Variants in PRIM2 observed in about 807,000 individuals in gnomAD.
PRIM2 encodes the protein DNA primase subunit 2.
Under a neutral mutation model 67.3 loss-of-function variants are expected in PRIM2, and 39 were observed. That is an observed-to-expected ratio of 0.58 (90% CI 0.45 to 0.76). The LOEUF is 0.76. PRIM2 is among the 30% of genes least tolerant of loss of function. PRIM2 has a pLI of 0.00. For synonymous variants in PRIM2, 143 were observed against 198.7 expected (o/e 0.72, Z 2.36); for missense variants, 398 against 598.7 (o/e 0.66, Z 3.50).
chr6:57,511,015 G>C (rs1554347670), intron 8 of PRIM2, among the ~76,000 whole-genome samples: 1 of 150,064 alleles, frequency 6.7e-6, no homozygotes, highest in African/African-American at 2.4e-5. Flanking sequence ...CCTCTAATGA[G>C]GAAAGAGGAA....
intron 5 of PRIM2, among the ~76,000 whole-genome samples, chr6:57,375,200 G>A (rs1261166602): frequency 2.6e-5 from 4 of 152,148 alleles, no homozygotes; most frequent in Admixed American, 2.6e-4. Flanking sequence ...ATTGGCTGTG[G>A]GTTTGTCATA....
rs558641690 is a variant in PRIM2 at position 57,371,182 on chromosome 6, T to C, written c.460-8719T>C. On this transcript the variant is annotated intron_variant, in intron 5 of 13. Transcript: ENST00000615550. ...GTATATTTCCAAGGCAGAAGACTAT[T>C]TGGAGAAGTAAAGTCTGTTGTAGCT... 3.3e-5 allele frequency among the ~76,000 whole-genome samples: 5 copies of C among 151,924 alleles called. No individual in the cohort carries two copies. In the South Asian group the frequency reaches 1.0e-3, roughly 32 times the overall value.
chr6:57,394,300 A>T (rs1279036044), intron 7 of PRIM2, among the ~76,000 whole-genome samples: 1 of 152,072 alleles, frequency 6.6e-6, no homozygotes, highest in Non-Finnish European at 1.5e-5. Context: ...TGAGCATGGG[A>T]TGTGTTTCCA....
the PRIM2 span, among the ~76,000 whole-genome samples, chr6:57,244,718 G>T: frequency 6.7e-6 from 1 of 150,194 alleles, no homozygotes; most frequent in African/African-American, 2.4e-5. Context: ...CCCAGCCTGG[G>T]TGATAAGAGC....
the PRIM2 span, among the ~76,000 whole-genome samples, chr6:57,266,122 G>A: frequency 2.0e-5 from 3 of 152,180 alleles, no homozygotes; most frequent in East Asian, 3.8e-4. Flanking sequence ...GCTTGGCTTT[G>A]TGTAGAATAC....
At chr6:57,386,246 G>GCAA (rs922780706) in intron 7 of PRIM2, among the ~76,000 whole-genome samples, 48 of 142,092 alleles carry the variant, frequency 3.4e-4, no homozygotes, top group Middle Eastern at 3.5e-3. Context: ...AACAACAACA[G>GCAA]CAACAACAAC....
chr6:57,624,632 G>A (rs1776914683), intron 12 of PRIM2, among the ~76,000 whole-genome samples: 1 of 152,156 alleles, frequency 6.6e-6, no homozygotes, highest in Non-Finnish European at 1.5e-5. Context: ...ATGTAAGGCA[G>A]ATTAGGCAAA....
At chr6:57,358,756 A>G (rs1291428809) in intron 5 of PRIM2, among the ~76,000 whole-genome samples, 1 of 152,212 alleles carries the variant, frequency 6.6e-6, no homozygotes, top group Non-Finnish European at 1.5e-5. Flanking sequence ...TAAGTATTAT[A>G]TAAATAATAA....
At chr6:57,446,389 C>T (rs1772365124) in intron 7 of PRIM2, among the ~76,000 whole-genome samples, 4 of 142,538 alleles carry the variant, frequency 2.8e-5, no homozygotes, top group Non-Finnish European at 6.1e-5. Flanking sequence ...TCACTGATAG[C>T]ATGGGCATAG....
intron 7 of PRIM2, among the ~76,000 whole-genome samples, chr6:57,495,244 A>C (rs1352161636): frequency 2.0e-5 from 3 of 152,228 alleles, no homozygotes; most frequent in African/African-American, 7.2e-5. Flanking sequence ...GCTTAAATTT[A>C]AACTAAACCG....
chr6:57,512,721 C>T (rs1774396253), intron 8 of PRIM2, among the ~76,000 whole-genome samples: 1 of 152,098 alleles, frequency 6.6e-6, no homozygotes, highest in Admixed American at 6.5e-5. Context: ...CCTCAGCTTC[C>T]TAAGTAGCTG....
chr6:57,307,733 A>C, the PRIM2 span, among the ~76,000 whole-genome samples: 1 of 152,202 alleles, frequency 6.6e-6, no homozygotes, highest in African/African-American at 2.4e-5. Context: ...CCTTGAGAGA[A>C]GCAATGACAG....
At chr6:57,280,168 G>A in the PRIM2 span, among the ~76,000 whole-genome samples, 32,708 of 151,984 alleles carry the variant, frequency 0.22, 4,730 homozygotes, top group African/African-American at 0.41. Flanking sequence ...TTTTTCTCCT[G>A]TAAAATTAAA....
chr6:57,247,865 T>G, the PRIM2 span, among the ~76,000 whole-genome samples: 1 of 152,204 alleles, frequency 6.6e-6, no homozygotes, highest in Non-Finnish European at 1.5e-5. Flanking sequence ...TTTGTAGCCC[T>G]GACTAGTGGG....
At chr6:57,340,722 GT>G (rs1197200329) in intron 5 of PRIM2, among the ~76,000 whole-genome samples, 2 of 152,100 alleles carry the variant, frequency 1.3e-5, no homozygotes, top group African/African-American at 4.8e-5. Context: ...GGGGGTAGGG[GT>G]GAGGGATAGC....
intron 11 of PRIM2, among the ~76,000 whole-genome samples, chr6:57,602,579 A>G (rs1316507310): frequency 1.2e-3 from 176 of 152,286 alleles, no homozygotes; most frequent in African/African-American, 4.2e-3. Flanking sequence ...CAGGCAGTCA[A>G]CTTATGATTA....
Position 57,409,569 on chromosome 6 carries a change from T to C in PRIM2, c.693+27401T>C, listed in dbSNP as rs1474958746. On this transcript the variant is annotated intron_variant, in intron 7 of 13. Transcript: ENST00000615550. ...AGAAATTGCCAAACTATTTCCAAAG[T>C]GGATAGATATGTTCATCTCCAGTAG... 2.6e-5 allele frequency among the ~76,000 whole-genome samples: 4 copies of C among 152,178 alleles called. No homozygotes were observed. The East Asian group carries it at 7.7e-4, about 29-fold the overall frequency.
chr6:57,505,354 T>C (rs1236720308), intron 7 of PRIM2: 2 of 152,148 alleles, frequency 1.3e-5, no homozygotes, highest in African/African-American at 4.8e-5. Context: ...AAGGGGAGGT[T>C]GGGAAAACTC....
the PRIM2 span, among the ~76,000 whole-genome samples, chr6:57,245,017 G>T: frequency 0.021 from 3,163 of 152,290 alleles, 51 homozygotes; most frequent in Non-Finnish European, 0.036. Flanking sequence ...AGGCTGCAGG[G>T]ATGGCTCCCG....
Sources: allele counts gnomAD v4.1 joint callset (sites outside exome capture counted in the v4.1 genomes callset), GRCh38; gene constraint gnomAD v4.1.1; transcripts MANE v1.5; gene names NCBI Gene and HGNC (gene_info 2026-07-23, HGNC 2026-07-21).